Variants in SDK1 observed in about 807,000 individuals in gnomAD.
SDK1 encodes the protein protein sidekick-1.
Under a neutral mutation model 245.5 loss-of-function variants are expected in SDK1, and 157 were observed. That is an observed-to-expected ratio of 0.64 (90% CI 0.56 to 0.73). The LOEUF is 0.73. Ranked by LOEUF, SDK1 falls within the 30% of genes least tolerant of loss-of-function variation. SDK1 has a pLI of 0.00. For missense variants in SDK1, 3,583 were observed against 3,002.3 expected, an observed-to-expected ratio of 1.19 and a Z score of -4.52; for synonymous variants, 1,647 against 1,278.5, an observed-to-expected ratio of 1.29 and a Z score of -6.15.
intron 40 of SDK1, among the ~76,000 whole-genome samples, chr7:4,224,982 C>CAAAAAAAAAAAAAAAAAAAAAA (rs3038664): frequency 2.3e-5 from 1 of 43,714 alleles, no homozygotes; most frequent in Non-Finnish European, 4.6e-5. Context: ...GACTCTGTCT[C>CAAAAAAAAAAAAAAAAAAAAAA]AAAAAAAAAA....
chr7:3,665,990 AGG>A (rs1425400979), intron 4 of SDK1, among the ~76,000 whole-genome samples: 1 of 152,052 alleles, frequency 6.6e-6, no homozygotes, highest in African/African-American at 2.4e-5. Context: ...CCAATTAGTC[AGG>A]GGGTTCACTC....
intron 29 of SDK1, among the ~76,000 whole-genome samples, chr7:4,148,144 C>T (rs1379369296): frequency 6.6e-6 from 1 of 152,168 alleles, no homozygotes; most frequent in Admixed American, 6.5e-5. Flanking sequence ...CGCTGGGCCA[C>T]CTCCCCTCCG....
intron 1 of SDK1, among the ~76,000 whole-genome samples, chr7:3,578,626 C>A (rs536048890): frequency 6.6e-6 from 1 of 151,856 alleles, no homozygotes; most frequent in Non-Finnish European, 1.5e-5. Flanking sequence ...GACCACCCCC[C>A]AGGAATGCAA....
At chr7:4,101,909 G>A (rs574842053) in intron 22 of SDK1, among the ~76,000 whole-genome samples, 76 of 152,228 alleles carry the variant, frequency 5.0e-4, no homozygotes, top group Non-Finnish European at 7.4e-4. Context: ...GAGGGAGATC[G>A]AGAGAGCCAG....
At chr7:3,784,632 A>G (rs1780845682) in intron 4 of SDK1, among the ~76,000 whole-genome samples, 1 of 152,226 alleles carries the variant, frequency 6.6e-6, no homozygotes, top group Non-Finnish European at 1.5e-5. Context: ...GAAATCACTA[A>G]GGAAATGCAA....
At chr7:4,222,745 G>T (rs1785213775) in intron 40 of SDK1, among the ~76,000 whole-genome samples, 1 of 152,208 alleles carries the variant, frequency 6.6e-6, no homozygotes, top group South Asian at 2.1e-4. Context: ...CGTCTGTCCT[G>T]TTGTGGAAAC....
At chr7:3,995,106 AT>A (rs1167175655) in intron 14 of SDK1, among the ~76,000 whole-genome samples, 4 of 152,110 alleles carry the variant, frequency 2.6e-5, no homozygotes, top group African/African-American at 9.7e-5. Flanking sequence ...ACTGTTTACT[AT>A]CTGACCACCC....
chr7:3,973,172 G>T (rs1221655960), intron 12 of SDK1, among the ~76,000 whole-genome samples: 1 of 152,206 alleles, frequency 6.6e-6, no homozygotes, highest in Admixed American at 6.5e-5. Context: ...AGGAGCGCCA[G>T]GCTGTAAGTG....
At chr7:3,800,697 T>A (rs189522240) in intron 4 of SDK1, among the ~76,000 whole-genome samples, 1 of 152,120 alleles carries the variant, frequency 6.6e-6, no homozygotes, top group Non-Finnish European at 1.5e-5. Flanking sequence ...TAAAGTCAAG[T>A]ACTGTTTTCT....
chr7:4,266,995 C>T lies in SDK1; in HGVS notation c.*1611C>T, dbSNP rs1583211649. ...TGGCCACATGCAGAAAGTGTGGCCC[C>T]TGCTTACCTAGATGTTTTGTGCACC... On this transcript the variant is annotated 3_prime_UTR_variant, in exon 45 of 45. Coordinates refer to ENST00000404826, the MANE Select transcript of SDK1 (RefSeq NM_152744.4). The T allele has an allele frequency of 1.0e-6, 1 of 985,460 alleles. No individual in the cohort carries two copies. 61.0% of individuals were successfully genotyped at this position (985,460 alleles called of 1,614,324 possible).
At position 4,020,977 on chromosome 7, in the gene SDK1, G is replaced by A. The variant is rs78890018; in HGVS notation, c.2602+3625G>A. Among the ~76,000 whole-genome samples the A allele has an allele frequency of 6.1e-3, 933 of 152,298 alleles. 5 individuals carry two copies. The highest frequency in any genetic ancestry group is 0.035 in the East Asian group (182 of 5,174). ...ATTCGTTTTTCCACTGTGATGAAGA[G>A]TGTCTACTAGGGTATTTGAATGCTT... is the stretch of plus-strand genomic sequence containing the variant. On this transcript the variant is annotated intron_variant, in intron 17 of 44. Transcript: ENST00000404826.
At chr7:3,342,909 A>C (rs1178383502) in intron 1 of SDK1, among the ~76,000 whole-genome samples, 1 of 152,170 alleles carries the variant, frequency 6.6e-6, no homozygotes, top group Non-Finnish European at 1.5e-5. Flanking sequence ...TTTAAGTGGC[A>C]AATAATCACA....
At chr7:3,466,332 G>A (rs1168638212) in intron 1 of SDK1, among the ~76,000 whole-genome samples, 1 of 151,312 alleles carries the variant, frequency 6.6e-6, no homozygotes, top group African/African-American at 2.4e-5. Context: ...AGTCCTGGAT[G>A]CTGCTTCTCA....
chr7:3,992,465 G>A (rs1049241553), intron 14 of SDK1, among the ~76,000 whole-genome samples: 1 of 152,202 alleles, frequency 6.6e-6, no homozygotes, highest in Non-Finnish European at 1.5e-5. Context: ...GAGGAGGGCA[G>A]AGGGTCAGGC....
chr7:3,315,995 T>G (rs1054209081), intron 1 of SDK1, among the ~76,000 whole-genome samples: 1 of 152,178 alleles, frequency 6.6e-6, no homozygotes, highest in South Asian at 2.1e-4. Context: ...CGATTTCTGG[T>G]TAGTGCTGTT....
chr7:3,344,549 C>T (rs1042456304), intron 1 of SDK1, among the ~76,000 whole-genome samples: 6 of 152,172 alleles, frequency 3.9e-5, no homozygotes, highest in Non-Finnish European at 7.3e-5. Flanking sequence ...TATTTCCAGG[C>T]TGAATAAAAA....
intron 1 of SDK1, among the ~76,000 whole-genome samples, chr7:3,359,475 A>T (rs1780894614): frequency 6.6e-6 from 1 of 152,230 alleles, no homozygotes; most frequent in Admixed American, 6.5e-5. Flanking sequence ...TATTAAAAGA[A>T]TCACAGAGGC....
At chr7:4,201,114 A>C (rs990879675) in intron 35 of SDK1, among the ~76,000 whole-genome samples, 2 of 152,140 alleles carry the variant, frequency 1.3e-5, no homozygotes, top group African/African-American at 4.8e-5. Flanking sequence ...GGGGCTCTGC[A>C]TTTCCTGGGT....
intron 4 of SDK1, among the ~76,000 whole-genome samples, chr7:3,771,985 C>G (rs1780418489): frequency 6.6e-6 from 1 of 152,180 alleles, no homozygotes; most frequent in African/African-American, 2.4e-5. Context: ...ACTCCGTGTA[C>G]TTCATATAAA....
Sources: gnomAD v4.1 joint callset for allele counts (sites outside exome capture counted in the v4.1 genomes callset) on GRCh38, gnomAD v4.1.1 for gene constraint, MANE v1.5 for transcripts, NCBI Gene and HGNC (gene_info 2026-07-23, HGNC 2026-07-21) for gene names.